The following USH2A variants were observed in gnomAD, a reference collection of about 807,000 sequenced individuals.
USH2A encodes Usher syndrome 2A (autosomal recessive, mild).
In USH2A, 443 loss-of-function variants were observed where a neutral mutation model predicts 538.9. That is an observed-to-expected ratio of 0.82 (90% CI 0.76 to 0.89). USH2A has a LOEUF of 0.89. Ranked by LOEUF, USH2A falls within the 40% of genes least tolerant of loss-of-function variation. The pLI is 0.00. For missense variants in USH2A, 6,633 were observed against 6,324.8 expected, an observed-to-expected ratio of 1.05 and a Z score of -1.65; for synonymous variants, 2,413 against 2,273.5, an observed-to-expected ratio of 1.06 and a Z score of -1.75.
chr1:215,840,185 A>G (rs1490915360), intron 46 of USH2A, among the ~76,000 whole-genome samples: 1 of 150,778 alleles, frequency 6.6e-6, no homozygotes, highest in Non-Finnish European at 1.5e-5. Flanking sequence ...AAAAAAAAAA[A>G]AAAAAAAAAA....
rs149499594 is a variant in USH2A, at chr1:215,778,231, T to C, written c.10939+1612A>G. ...CATGCCCAACTGATTTTTGTATTTT[T>C]AGTAGAGACGAGGTTTTGCCATGTT... On this transcript the variant is annotated intron_variant, in intron 55 of 71. Coordinates refer to ENST00000307340, the MANE Select transcript of USH2A (RefSeq NM_206933.4). Among the ~76,000 whole-genome samples the C allele has an allele frequency of 7.8e-3, 1,186 of 152,244 alleles. 10 individuals carry two copies. The highest frequency in any genetic ancestry group is 0.013 in the Non-Finnish European group (868 of 68,022).
At position 216,293,281 on chromosome 1, in the gene USH2A, C is replaced by T. The variant is rs1200501548; in HGVS notation, c.1645-911G>A. The stretch of plus-strand genomic sequence containing the variant: ...CCTCGTGTTCTGCCCACCTCGGCCG[C>T]CCAAAGTGCTGGGATTACAGGCGTG... On this transcript the variant is annotated intron_variant, in intron 9 of 71. Coordinates refer to ENST00000307340, the MANE Select transcript of USH2A (RefSeq NM_206933.4). Among the ~76,000 whole-genome samples, 3 of 152,324 alleles carry T rather than the reference C, an allele frequency of 2.0e-5. No individual in the cohort carries two copies. In the South Asian group the frequency reaches 6.2e-4, roughly 32 times the overall value.
At chr1:215,869,399 C>A (rs141961844) in intron 43 of USH2A, among the ~76,000 whole-genome samples, 1 of 152,186 alleles carries the variant, frequency 6.6e-6, no homozygotes, top group African/African-American at 2.4e-5. Context: ...TTGAACTTTG[C>A]GTTATTTTTC....
intron 4 of USH2A, among the ~76,000 whole-genome samples, chr1:216,346,080 G>A (rs2038170472): frequency 6.6e-6 from 1 of 152,006 alleles, no homozygotes; most frequent in Admixed American, 6.6e-5. Context: ...AACATTTGTT[G>A]ATTCTCTTCC....
At chr1:215,685,051 A>T (rs1360899708) in intron 61 of USH2A, among the ~76,000 whole-genome samples, 1 of 152,118 alleles carries the variant, frequency 6.6e-6, no homozygotes, top group Non-Finnish European at 1.5e-5. Flanking sequence ...TTTCTGATTT[A>T]GATTACAAAT....
At chr1:215,788,274 A>G (rs1265917516) in intron 51 of USH2A, among the ~76,000 whole-genome samples, 1 of 152,098 alleles carries the variant, frequency 6.6e-6, no homozygotes, top group African/African-American at 2.4e-5. Context: ...GGAACATGGG[A>G]TGTTGAAACC....
At chr1:216,135,154 T>G (rs1180594713) in intron 21 of USH2A, among the ~76,000 whole-genome samples, 1 of 139,502 alleles carries the variant, frequency 7.2e-6, no homozygotes, top group Non-Finnish European at 1.5e-5. Flanking sequence ...TCTCTCTCTC[T>G]CTCTCTCTCT....
At chr1:216,175,764 T>C (rs2034365849) in intron 20 of USH2A, among the ~76,000 whole-genome samples, 1 of 152,156 alleles carries the variant, frequency 6.6e-6, no homozygotes, top group African/African-American at 2.4e-5. Context: ...AAATAATAGA[T>C]CTTATATATT....
Position 216,166,188 on chromosome 1 carries a change from C to T in USH2A, c.4627+9064G>A, listed in dbSNP as rs548030602. ...TTATTTAGGGGAACAGCTAAGCTAA[C>T]CCTTTCATGATGAGTAGCAATTAGC... On this transcript the variant is annotated intron_variant, in intron 21 of 71. Transcript: ENST00000307340. 6.6e-5 allele frequency among the ~76,000 whole-genome samples: 10 copies of T among 152,174 alleles called. No homozygotes were observed. In the South Asian group the frequency reaches 2.1e-3, roughly 32 times the overall value.
chr1:216,320,835 A>G (rs2037592544), intron 9 of USH2A, among the ~76,000 whole-genome samples: 1 of 152,126 alleles, frequency 6.6e-6, no homozygotes, highest in South Asian at 2.1e-4. Context: ...TTACCTGTTA[A>G]CATGATGCAA....
chr1:216,373,713 G>A (rs1012644668), intron 3 of USH2A, among the ~76,000 whole-genome samples: 2 of 152,034 alleles, frequency 1.3e-5, no homozygotes, highest in South Asian at 2.1e-4. Context: ...ACCCCAAAAA[G>A]TCTTTTATAG....
At chr1:215,705,665 G>A (rs142361744) in intron 61 of USH2A, among the ~76,000 whole-genome samples, 1 of 152,296 alleles carries the variant, frequency 6.6e-6, no homozygotes, top group East Asian at 1.9e-4. Flanking sequence ...TGAGCAAAGG[G>A]CACTAACTTG....
At chr1:215,806,629 GA>G in intron 49 of USH2A, among the ~76,000 whole-genome samples, 1 of 152,140 alleles carries the variant, frequency 6.6e-6, no homozygotes, top group South Asian at 2.1e-4. Flanking sequence ...CATACCTCTA[GA>G]AAGTTACCTC....
At chr1:215,767,864 C>G (rs1558089276) in intron 55 of USH2A, among the ~76,000 whole-genome samples, 1 of 152,174 alleles carries the variant, frequency 6.6e-6, no homozygotes, top group South Asian at 2.1e-4. Flanking sequence ...AGACATCTCT[C>G]TCTTGACTCT....
chr1:216,361,400 A>G (rs2038488555), intron 4 of USH2A, among the ~76,000 whole-genome samples: 1 of 152,176 alleles, frequency 6.6e-6, no homozygotes. Context: ...AACAATGACT[A>G]AATTAGACTC....
rs1006663208 is a variant in USH2A at position 216,421,972 on chromosome 1, C to T, written c.365G>A (p.Ser122Asn). Residue 122 changes from serine to asparagine, a missense_variant, in exon 2 of 72, where the codon AGC (serine) becomes AAC (asparagine). By Grantham distance (46) the Ser-to-Asn change is conservative. Coordinates refer to ENST00000307340, the MANE Select transcript of USH2A (RefSeq NM_206933.4). ...TCCAAAAATAAAACTTGCAGAATTGCTATGGGCGTTAGGATGCAGATCATT... is the reference window on the plus strand; with the variant it reads ...TCCAAAAATAAAACTTGCAGAATTGTTATGGGCGTTAGGATGCAGATCATT... ...DKNDLHPNAH[S>N]NSASFIFGNH... is the part of the protein sequence containing the mutation. 8 of 1,613,764 alleles carry T rather than the reference C, an allele frequency of 5.0e-6. No individual in the cohort carries two copies. In the African/African-American group the frequency reaches 1.1e-4, roughly 22 times the overall value.
At chr1:216,035,716 T>C (rs897304000) in intron 32 of USH2A, among the ~76,000 whole-genome samples, 28 of 152,178 alleles carry the variant, frequency 1.8e-4, no homozygotes, top group African/African-American at 6.8e-4. Context: ...GTTAATTATA[T>C]CCAAATTATG....
chr1:216,241,868 G>C (rs1203866881), intron 13 of USH2A, among the ~76,000 whole-genome samples: 4 of 152,096 alleles, frequency 2.6e-5, no homozygotes, highest in African/African-American at 7.2e-5. Flanking sequence ...ATTTGCCTAA[G>C]TACAGACGCA....
intron 34 of USH2A, among the ~76,000 whole-genome samples, chr1:215,997,043 A>T (rs1003078807): frequency 6.6e-6 from 1 of 152,138 alleles, no homozygotes; most frequent in African/African-American, 2.4e-5. Context: ...TCGATCTACT[A>T]ATCTAATGAC....
Sources: allele counts gnomAD v4.1 joint callset (sites outside exome capture counted in the v4.1 genomes callset), GRCh38; gene constraint gnomAD v4.1.1; transcripts MANE v1.5; gene names NCBI Gene and HGNC (gene_info 2026-07-23, HGNC 2026-07-21).